The following GRID2 variants were observed in gnomAD, a reference collection of about 807,000 sequenced individuals.
GRID2 encodes the protein glutamate ionotropic receptor delta type subunit 2.
In GRID2, 33 loss-of-function variants were observed where a neutral mutation model predicts 114.8. The ratio of observed to expected loss-of-function variants is 0.29; its 90% CI spans 0.22 to 0.38. GRID2 has a LOEUF of 0.38. Ranked by LOEUF, GRID2 falls within the 10% of genes least tolerant of loss-of-function variation. The probability of loss-of-function intolerance (pLI) is 1.00; values close to 1 mark genes in which losing one functional copy is unlikely to be tolerated. For synonymous variants in GRID2, 505 were observed against 449.9 expected, an observed-to-expected ratio of 1.12 and a Z score of -1.55; for missense variants, 1,184 against 1,257.7, an observed-to-expected ratio of 0.94 and a Z score of 0.89.
intron 2 of GRID2, among the ~76,000 whole-genome samples, chr4:92,664,282 TTTG>T (rs1732661344): frequency 6.6e-6 from 1 of 151,236 alleles, no homozygotes; most frequent in Admixed American, 6.6e-5. Context: ...TTGTTGCATT[TTTG>T]TTTTCTTTTG....
intron 1 of GRID2, among the ~76,000 whole-genome samples, chr4:92,391,132 C>T (rs574910121): frequency 6.6e-6 from 1 of 152,214 alleles, no homozygotes; most frequent in African/African-American, 2.4e-5. Context: ...CTCAAAAAGT[C>T]ATTTTAGAAA....
At chr4:93,111,099 A>G (rs1303952804) in intron 4 of GRID2, 146 bp downstream of exon 4, 3 of 621,254 alleles carry the variant, frequency 4.8e-6, no homozygotes, top group African/African-American at 3.7e-5. Flanking sequence ...AGCATAGTGA[A>G]TGCCTCACTT....
chr4:92,791,671 G>T (rs923188992), intron 2 of GRID2, among the ~76,000 whole-genome samples: 15 of 151,834 alleles, frequency 9.9e-5, no homozygotes, highest in African/African-American at 1.7e-4. Flanking sequence ...GGTGTCTGTT[G>T]TTTCATGATT....
intron 1 of GRID2, among the ~76,000 whole-genome samples, chr4:92,527,068 GA>G (rs370611685): frequency 0.015 from 2,222 of 148,064 alleles, 50 homozygotes; most frequent in African/African-American, 0.051. Flanking sequence ...GTTTGACTGA[GA>G]AAAAAAAAAC....
chr4:92,814,752 T>A (rs1358157252), intron 2 of GRID2, among the ~76,000 whole-genome samples: 1 of 152,072 alleles, frequency 6.6e-6, no homozygotes, highest in Non-Finnish European at 1.5e-5. Context: ...GAAGATGCCA[T>A]CCACAGGAAG....
chr4:92,879,700 A>G (rs1302049215), intron 2 of GRID2, among the ~76,000 whole-genome samples: 3 of 152,272 alleles, frequency 2.0e-5, no homozygotes, highest in Non-Finnish European at 4.4e-5. Flanking sequence ...TTAATTTAAA[A>G]ATCTCAGTCA....
chr4:93,749,270 A>T (rs1732111041), intron 14 of GRID2, among the ~76,000 whole-genome samples: 1 of 152,200 alleles, frequency 6.6e-6, no homozygotes, highest in African/African-American at 2.4e-5. Context: ...TTATGACACA[A>T]GGGCTTTTAG....
chr4:92,449,391 A>C (rs1195640740), intron 1 of GRID2, among the ~76,000 whole-genome samples: 1 of 151,990 alleles, frequency 6.6e-6, no homozygotes, highest in Non-Finnish European at 1.5e-5. Flanking sequence ...ATGATAGTTG[A>C]AAATAATATT....
intron 1 of GRID2, among the ~76,000 whole-genome samples, chr4:92,511,940 C>A (rs1724271747): frequency 6.6e-6 from 1 of 151,736 alleles, no homozygotes; most frequent in African/African-American, 2.4e-5. Flanking sequence ...TGAACTGAAG[C>A]TCTGTACCCA....
intron 3 of GRID2, among the ~76,000 whole-genome samples, chr4:93,099,613 AAAAT>A (rs1731530382): frequency 6.6e-6 from 1 of 151,902 alleles, no homozygotes; most frequent in Admixed American, 6.6e-5. Flanking sequence ...AACAAAGAAA[AAAAT>A]CAACTTTATG....
chr4:93,805,121 A>C (rs771202390), intron 1 of GRID2, among the ~76,000 whole-genome samples: 14 of 152,224 alleles, frequency 9.2e-5, no homozygotes, highest in Non-Finnish European at 1.8e-4. Flanking sequence ...AATTTTGCAA[A>C]TGAGTATTTC....
chr4:93,469,463 TA>T (rs1378073883), intron 11 of GRID2, among the ~76,000 whole-genome samples: 1 of 151,940 alleles, frequency 6.6e-6, no homozygotes, highest in Non-Finnish European at 1.5e-5. Flanking sequence ...TTTATTTATT[TA>T]AAATGTATAT....
intron 2 of GRID2, among the ~76,000 whole-genome samples, chr4:92,788,524 C>T (rs970937324): frequency 6.6e-6 from 1 of 151,826 alleles, no homozygotes; most frequent in South Asian, 2.1e-4. Flanking sequence ...ATTTTTTATT[C>T]AAATGTTTTT....
intron 2 of GRID2, among the ~76,000 whole-genome samples, chr4:92,925,707 C>T (rs1749758180): frequency 6.6e-6 from 1 of 151,916 alleles, no homozygotes; most frequent in Non-Finnish European, 1.5e-5. Context: ...GAAATTCCTA[C>T]CCAGGCATTC....
intron 2 of GRID2, among the ~76,000 whole-genome samples, chr4:92,663,254 A>T (rs191682962): frequency 6.6e-6 from 1 of 151,250 alleles, no homozygotes; most frequent in Non-Finnish European, 1.5e-5. Flanking sequence ...ATTTACTAAT[A>T]GTATCATCTT....
At chr4:92,793,201 C>T (rs1390976230) in intron 2 of GRID2, among the ~76,000 whole-genome samples, 1 of 151,706 alleles carries the variant, frequency 6.6e-6, no homozygotes, top group Admixed American at 6.6e-5. Flanking sequence ...TACTACACTG[C>T]TTGTCACTTT....
At chr4:93,397,773 T>A (rs1316700184) in intron 9 of GRID2, among the ~76,000 whole-genome samples, 3 of 152,022 alleles carry the variant, frequency 2.0e-5, no homozygotes, top group Non-Finnish European at 4.4e-5. Context: ...GCATATAACC[T>A]ATGTACCTCC....
At chr4:93,290,872 CTTTTTT>C (rs56735687) in intron 8 of GRID2, among the ~76,000 whole-genome samples, 29 of 88,528 alleles carry the variant, frequency 3.3e-4, no homozygotes, top group East Asian at 6.6e-4. Context: ...ATACAAGTTA[CTTTTTT>C]TTTTTTTTTT....
At chr4:93,600,101 A>T (rs1739515275) in intron 13 of GRID2, among the ~76,000 whole-genome samples, 1 of 152,190 alleles carries the variant, frequency 6.6e-6, no homozygotes, top group Admixed American at 6.5e-5. Context: ...TGCCAAATTA[A>T]AAGGGCTGAG....
Sources: gnomAD v4.1 joint callset for allele counts (sites outside exome capture counted in the v4.1 genomes callset) on GRCh38, gnomAD v4.1.1 for gene constraint, MANE v1.5 for transcripts, NCBI Gene and HGNC (gene_info 2026-07-23, HGNC 2026-07-21) for gene names.